The following LAMA2 variants were observed in gnomAD, a reference collection of about 807,000 sequenced individuals.
LAMA2 encodes laminin subunit alpha-2.
A neutral mutation model predicts 364.8 loss-of-function variants in LAMA2; 269 were observed. The observed-to-expected ratio is 0.74, with a 90% CI of 0.67 to 0.82. LAMA2 has a LOEUF of 0.82. Ranked by LOEUF, LAMA2 falls within the 40% of genes least tolerant of loss-of-function variation. The pLI, the probability that LAMA2 is intolerant of heterozygous loss-of-function variation, is 0.00. For missense variants in LAMA2, 3,807 were observed against 3,873.2 expected, an observed-to-expected ratio of 0.98 and a Z score of 0.45; for synonymous variants, 1,379 against 1,370.6, an observed-to-expected ratio of 1.01 and a Z score of -0.14.
chr6:129,191,902 T>C (rs1170472796), intron 11 of LAMA2, among the ~76,000 whole-genome samples: 2 of 152,186 alleles, frequency 1.3e-5, no homozygotes, highest in African/African-American at 4.8e-5. Flanking sequence ...GGTAGGATGC[T>C]TTAAATTAGA....
chr6:129,441,131 C>A (rs1782094429), intron 43 of LAMA2, 133 bp downstream of exon 43: 1 of 811,912 alleles, frequency 1.2e-6, no homozygotes. Context: ...CATAGATTGG[C>A]CTCAGAAATT....
intron 1 of LAMA2, among the ~76,000 whole-genome samples, chr6:128,926,861 T>C (rs1351237606): frequency 1.3e-5 from 2 of 152,240 alleles, no homozygotes; most frequent in Admixed American, 1.3e-4. Flanking sequence ...TTGGTAACAT[T>C]GTGAAACAAA....
intron 1 of LAMA2, among the ~76,000 whole-genome samples, chr6:128,898,903 A>G (rs1443234491): frequency 6.6e-6 from 1 of 152,144 alleles, no homozygotes; most frequent in African/African-American, 2.4e-5. Flanking sequence ...TCCTCTGTCC[A>G]GAGCATTGTT....
At chr6:128,904,661 G>T (rs1038574081) in intron 1 of LAMA2, among the ~76,000 whole-genome samples, 2 of 151,944 alleles carry the variant, frequency 1.3e-5, no homozygotes, top group African/African-American at 4.8e-5. Context: ...GTTTCACTAT[G>T]TTGGCCAGGC....
chr6:129,291,230 T>G (rs938071958), intron 19 of LAMA2, among the ~76,000 whole-genome samples: 5 of 152,212 alleles, frequency 3.3e-5, no homozygotes, highest in Non-Finnish European at 7.3e-5. Flanking sequence ...CGTTACACCT[T>G]GAGTCAAGAA....
At chr6:129,328,181 G>T in intron 28 of LAMA2, 97 bp from the exon 29 acceptor site, 1 of 1,056,700 alleles carries the variant, frequency 9.5e-7, no homozygotes, top group Non-Finnish European at 1.5e-6. Context: ...CGCAGGTGGG[G>T]GAAGGCCAGT....
At chr6:129,492,847 T>A (rs1203154140) in intron 58 of LAMA2, among the ~76,000 whole-genome samples, 3 of 152,178 alleles carry the variant, frequency 2.0e-5, no homozygotes, top group Non-Finnish European at 4.4e-5. Flanking sequence ...TAGAAACTAG[T>A]AATACACCAC....
rs201420653 is a variant in LAMA2 at position 129,280,121 on chromosome 6, C to T, written c.2511C>T (p.Val837=). The stretch of plus-strand genomic sequence containing the variant: ...GATTGATCTGTGATGGATGCCCTGT[C>T]GGGTACACAGGACCACGCTGTGAGA... ...SLGLICDGCP[V]GYTGPRCERC... is the part of the protein sequence containing the mutation. The change falls in exon 18 of 65, where the codon GTC becomes GTT. Residue 837 remains valine (V), a synonymous_variant. Transcript: ENST00000421865. The T allele has an allele frequency of 3.7e-5, 60 of 1,611,918 alleles. No homozygotes were observed. The highest frequency in any genetic ancestry group is 1.2e-4 in the South Asian group (11 of 91,056).
At chr6:129,042,893 A>G (rs1348765644) in intron 1 of LAMA2, among the ~76,000 whole-genome samples, 1 of 152,184 alleles carries the variant, frequency 6.6e-6, no homozygotes, top group Non-Finnish European at 1.5e-5. Flanking sequence ...AATACACCAC[A>G]GTTTTTGTAT....
chr6:129,068,374 A>G (rs76201581), intron 3 of LAMA2, among the ~76,000 whole-genome samples: 1 of 152,182 alleles, frequency 6.6e-6, no homozygotes, highest in Non-Finnish European at 1.5e-5. Flanking sequence ...TATTTCTCAT[A>G]GTTCTGGAGG....
At chr6:128,906,023 C>A (rs1164288484) in intron 1 of LAMA2, among the ~76,000 whole-genome samples, 2 of 150,116 alleles carry the variant, frequency 1.3e-5, no homozygotes, top group Non-Finnish European at 3.0e-5. Context: ...TTTTCTTAAT[C>A]CAGTCTATCG....
At chr6:128,911,222 G>A (rs1477177705) in intron 1 of LAMA2, among the ~76,000 whole-genome samples, 1 of 152,128 alleles carries the variant, frequency 6.6e-6, no homozygotes. Flanking sequence ...AATGGCAGAC[G>A]CCCCTCCCCC....
At chr6:129,283,055 C>T (rs374609780) in intron 18 of LAMA2, among the ~76,000 whole-genome samples, 7 of 152,164 alleles carry the variant, frequency 4.6e-5, no homozygotes, top group African/African-American at 1.7e-4. Flanking sequence ...CTAGTTACAG[C>T]TTGGAAAACA....
intron 1 of LAMA2, among the ~76,000 whole-genome samples, chr6:129,017,525 C>G (rs1218745400): frequency 6.6e-6 from 1 of 151,712 alleles, no homozygotes; most frequent in Non-Finnish European, 1.5e-5. Flanking sequence ...TAACATAAGG[C>G]CTAGCAAAGT....
chr6:129,052,440 G>T (rs192416494), intron 2 of LAMA2, among the ~76,000 whole-genome samples: 1 of 151,682 alleles, frequency 6.6e-6, no homozygotes, highest in Non-Finnish European at 1.5e-5. Flanking sequence ...GAGCCACCGC[G>T]CCCGGCCTTT....
chr6:129,376,953 TAAGTC>T (rs1297502924), intron 34 of LAMA2, among the ~76,000 whole-genome samples: 1 of 152,192 alleles, frequency 6.6e-6, no homozygotes, highest in Non-Finnish European at 1.5e-5. Context: ...TAATAGGTGT[TAAGTC>T]AATATTTGTT....
At chr6:129,083,970 C>A (rs1466688936) in intron 3 of LAMA2, among the ~76,000 whole-genome samples, 1 of 152,074 alleles carries the variant, frequency 6.6e-6, no homozygotes, top group African/African-American at 2.4e-5. Flanking sequence ...CAAACTGCAC[C>A]GCAGGTGTAT....
chr6:128,923,404 C>A (rs961987923), intron 1 of LAMA2, among the ~76,000 whole-genome samples: 1 of 151,320 alleles, frequency 6.6e-6, no homozygotes, highest in Non-Finnish European at 1.5e-5. Flanking sequence ...GTTTGTAGTT[C>A]TCCTTGAAGA....
At chr6:129,249,250 T>A (rs1785997616) in intron 12 of LAMA2, among the ~76,000 whole-genome samples, 1 of 152,144 alleles carries the variant, frequency 6.6e-6, no homozygotes, top group African/African-American at 2.4e-5. Context: ...ATACAGATCA[T>A]CAGCTTTGTT....
Sources: allele counts gnomAD v4.1 joint callset (sites outside exome capture counted in the v4.1 genomes callset), GRCh38; gene constraint gnomAD v4.1.1; transcripts MANE v1.5; gene names NCBI Gene and HGNC (gene_info 2026-07-23, HGNC 2026-07-21).